The following ANKRD28 variants were observed in gnomAD, a reference collection of about 807,000 sequenced individuals.
ANKRD28 encodes the protein ankyrin repeat domain 28.
In ANKRD28, 44 loss-of-function variants were observed where a neutral mutation model predicts 126.5. The observed-to-expected ratio is 0.35, with a 90% CI of 0.27 to 0.45. The LOEUF (loss-of-function observed/expected upper bound fraction) is 0.45. Among genes scored for constraint, ANKRD28 ranks in the 20% least tolerant of loss-of-function variants. The probability of loss-of-function intolerance (pLI) is 1.00; values close to 1 mark genes in which losing one functional copy is unlikely to be tolerated. For synonymous variants in ANKRD28, 442 were observed against 468.5 expected (o/e 0.94, Z 0.73); for missense variants, 1,110 against 1,316.6 (o/e 0.84, Z 2.43).
At chr3:15,673,516 C>T (rs1290212007) in intron 27 of ANKRD28, among the ~76,000 whole-genome samples, 1 of 151,998 alleles carries the variant, frequency 6.6e-6, no homozygotes, top group Non-Finnish European at 1.5e-5. Flanking sequence ...ACAAAATCAA[C>T]ATAACAAAAA....
At chr3:15,821,798 T>C (rs1249464343) in intron 1 of ANKRD28, among the ~76,000 whole-genome samples, 1 of 152,144 alleles carries the variant, frequency 6.6e-6, no homozygotes, top group Non-Finnish European at 1.5e-5. Flanking sequence ...GATAAACTAA[T>C]ATGGACCTTA....
rs1416368294 is a variant in ANKRD28, at chr3:15,720,922, T to C, written c.989A>G (p.Asn330Ser). 3.7e-6 allele frequency: 6 copies of C among 1,613,006 alleles called. No homozygotes were observed. Among genetic ancestry groups the C allele is most frequent in the Non-Finnish European group, 4.2e-6 (5 of 1,179,438 alleles). Reference sequence around the variant, plus strand: ...TCTGATTTTGTTCCTTACCTTCATATTGACATCGGCCCCATTGCCAACTAG... The same window carrying C: ...TCTGATTTTGTTCCTTACCTTCATACTGACATCGGCCCCATTGCCAACTAG... Reference protein sequence around the residue: ...ELLVGNGADVNMKSKDGKTPL... With the variant: ...ELLVGNGADVSMKSKDGKTPL... Residue 330 changes from asparagine (N) to serine (S), a missense_variant, in exon 8 of 28, where the codon AAT (asparagine) becomes AGT (serine). Asn to Ser is a conservative substitution (Grantham distance 46, BLOSUM62 1). Transcript: ENST00000683139.
rs888121332 is a variant in ANKRD28, at chr3:15,670,147, A to G, written c.*123T>C. 7 of 1,110,774 alleles carry G rather than the reference A, an allele frequency of 6.3e-6. No homozygotes were observed. The highest frequency in any genetic ancestry group is 2.8e-4 in the Middle Eastern group (1 of 3,612). 68.8% of individuals were successfully genotyped at this position (1,110,774 alleles called of 1,614,324 possible). A position where few individuals can be genotyped will look rare whatever the true frequency, so the allele number is the denominator to read the frequency against. On this transcript the variant is annotated 3_prime_UTR_variant, in exon 28 of 28. Coordinates refer to ENST00000683139, the MANE Select transcript of ANKRD28 (RefSeq NM_001349278.2). ...TCCTCCTAATGCCATCAGATCTCTT[A>G]ACATTGGCTCACTGTGGGATCTTTC...
chr3:15,753,638 A>G (rs1329395671), intron 3 of ANKRD28, among the ~76,000 whole-genome samples: 1 of 152,156 alleles, frequency 6.6e-6, no homozygotes, highest in African/African-American at 2.4e-5. Context: ...GTCTGATTCA[A>G]AGTATTAATT....
intron 1 of ANKRD28, among the ~76,000 whole-genome samples, chr3:15,818,990 C>G (rs2060888342): frequency 6.6e-6 from 1 of 152,130 alleles, no homozygotes; most frequent in Admixed American, 6.6e-5. Flanking sequence ...TAGAGTGCTC[C>G]AGTAAGGCCA....
At chr3:15,750,285 T>A (rs1237875666) in intron 4 of ANKRD28, among the ~76,000 whole-genome samples, 4 of 152,230 alleles carry the variant, frequency 2.6e-5, no homozygotes, top group Non-Finnish European at 5.9e-5. Flanking sequence ...AACAGTAATG[T>A]TTATCTTAAC....
intron 21 of ANKRD28, 71 bp from the exon 22 acceptor site, chr3:15,679,634 G>C (rs2067312145): frequency 8.5e-7 from 1 of 1,178,006 alleles, no homozygotes. Context: ...GTACATGTAA[G>C]TGTTTAAAGG....
chr3:15,746,405 G>A lies in ANKRD28; in HGVS notation c.351+5345C>T, dbSNP rs534550519. Among the ~76,000 whole-genome samples the A allele has an allele frequency of 2.0e-3, 303 of 152,268 alleles. 2 individuals are homozygous for A. Among genetic ancestry groups the A allele is most frequent in the African/African-American group, 7.1e-3 (295 of 41,558 alleles). On this transcript the variant is annotated intron_variant, in intron 4 of 27. Coordinates refer to ENST00000683139, the MANE Select transcript of ANKRD28 (RefSeq NM_001349278.2). Reference sequence around the variant, plus strand: ...CCCTTCTATGCTGATGTTGCTGACAGTTTTAATCATAAAAGGATGCTGGAT... The same window carrying A: ...CCCTTCTATGCTGATGTTGCTGACAATTTTAATCATAAAAGGATGCTGGAT...
intron 3 of ANKRD28, among the ~76,000 whole-genome samples, chr3:15,759,763 C>T (rs1575572428): frequency 6.6e-6 from 1 of 152,300 alleles, no homozygotes; most frequent in South Asian, 2.1e-4. Flanking sequence ...GACACTGAGT[C>T]AAGCGAAGCT....
Position 15,797,851 on chromosome 3 carries a change from A to T in ANKRD28, c.-1330T>A, listed in dbSNP as rs983084996. The T allele has an allele frequency of 2.0e-4, 197 of 985,318 alleles. 1 individual carries two copies. Among genetic ancestry groups the T allele is most frequent in the Non-Finnish European group, 1.4e-4 (116 of 829,950 alleles). The allele number at this position is 985,318 out of a possible 1,614,324, so 61.0% of individuals were successfully genotyped here. On this transcript the variant is annotated 5_prime_UTR_variant, in exon 1 of 28. Coordinates refer to ENST00000683139, the MANE Select transcript of ANKRD28 (RefSeq NM_001349278.2). ...CCCCAAATGAGTAGGTCCTTAAAAA[A>T]TATCTATAGAACCTCAGTATCAGTC...
chr3:15,694,710 A>G, intron 17 of ANKRD28, 29 bp downstream of exon 17: 1 of 1,583,612 alleles, frequency 6.3e-7, no homozygotes, highest in Non-Finnish European at 8.7e-7. Flanking sequence ...ACCAGCAGCC[A>G]TCAAGTCGGC....
chr3:15,777,984 C>T (rs922938938), intron 2 of ANKRD28, among the ~76,000 whole-genome samples: 3 of 151,780 alleles, frequency 2.0e-5, no homozygotes, highest in African/African-American at 7.3e-5. Context: ...AAGTCAGGGG[C>T]TATGTTTTCT....
At chr3:15,738,313 G>A (rs2075175154) in intron 4 of ANKRD28, among the ~76,000 whole-genome samples, 1 of 152,156 alleles carries the variant, frequency 6.6e-6, no homozygotes, top group Non-Finnish European at 1.5e-5. Flanking sequence ...CGCAAAACCA[G>A]CAAGTTTTTA....
chr3:15,676,019 A>ATATGTG, intron 26 of ANKRD28, 30 bp from the exon 27 acceptor site: 1 of 1,579,556 alleles, frequency 6.3e-7, no homozygotes, highest in Non-Finnish European at 8.7e-7. Flanking sequence ...ACATGTACAC[A>ATATGTG]TATGTGCATG....
chr3:15,809,606 T>C (rs930217817), intron 1 of ANKRD28, among the ~76,000 whole-genome samples: 3 of 152,172 alleles, frequency 2.0e-5, no homozygotes, highest in Non-Finnish European at 2.9e-5. Flanking sequence ...ATAGGAGGAA[T>C]GAAAGAATGG....
chr3:15,747,740 GTTTC>G (rs2057576058), intron 4 of ANKRD28, among the ~76,000 whole-genome samples: 1 of 152,140 alleles, frequency 6.6e-6, no homozygotes, highest in Non-Finnish European at 1.5e-5. Flanking sequence ...TAGGTCCATT[GTTTC>G]TTTGTTGACT....
chr3:15,736,730 G>A (rs1432112843), intron 5 of ANKRD28, among the ~76,000 whole-genome samples: 1 of 152,118 alleles, frequency 6.6e-6, no homozygotes, highest in Non-Finnish European at 1.5e-5. Flanking sequence ...ATTTACTTCT[G>A]GAAGAACAAT....
intron 2 of ANKRD28, among the ~76,000 whole-genome samples, chr3:15,782,314 C>T (rs1299155305): frequency 2.6e-5 from 4 of 151,822 alleles, no homozygotes; most frequent in Admixed American, 6.6e-5. Flanking sequence ...CAGAATTATT[C>T]GGATATTTTA....
chr3:15,739,151 A>G (rs1336646683), intron 4 of ANKRD28, among the ~76,000 whole-genome samples: 2 of 152,088 alleles, frequency 1.3e-5, no homozygotes, highest in African/African-American at 4.8e-5. Flanking sequence ...CTCAATCATC[A>G]CAGGGTCCTG....
Sources: allele counts gnomAD v4.1 joint callset (sites outside exome capture counted in the v4.1 genomes callset), GRCh38; gene constraint gnomAD v4.1.1; transcripts MANE v1.5; gene names NCBI Gene and HGNC (gene_info 2026-07-23, HGNC 2026-07-21).